ARID1B: variants seen among roughly 807,000 people sequenced by gnomAD.
ARID1B encodes AT-rich interactive domain-containing protein 1B.
A neutral mutation model predicts 212.3 loss-of-function variants in ARID1B; 30 were observed. That is an observed-to-expected ratio of 0.14 (90% confidence interval 0.11 to 0.19). ARID1B has a LOEUF of 0.19. Among genes scored for constraint, ARID1B ranks in the 10% least tolerant of loss-of-function variants. The probability of loss-of-function intolerance (pLI) is 1.00; values close to 1 mark genes in which losing one functional copy is unlikely to be tolerated. For synonymous variants in ARID1B, 1,402 were observed against 1,301.7 expected (o/e 1.08, Z -1.66); for missense variants, 2,891 against 3,204.0 (o/e 0.90, Z 2.36).
At chr6:157,005,594 A>G (rs1012933587) in intron 4 of ARID1B, among the ~76,000 whole-genome samples, 2 of 152,178 alleles carry the variant, frequency 1.3e-5, no homozygotes, top group African/African-American at 4.8e-5. Context: ...GAATTGGTAA[A>G]ACTTCTTTCT....
chr6:157,016,531 C>T (rs866401507), intron 4 of ARID1B, among the ~76,000 whole-genome samples: 2 of 152,180 alleles, frequency 1.3e-5, no homozygotes, highest in South Asian at 2.1e-4. Flanking sequence ...AATATCGATT[C>T]CCAGCTGGGA....
At chr6:157,142,840 T>G (rs1340264132) in intron 7 of ARID1B, among the ~76,000 whole-genome samples, 1 of 152,174 alleles carries the variant, frequency 6.6e-6, no homozygotes. Context: ...CATTTTCTCC[T>G]CCATCATATA....
In ARID1B at chr6:156,778,966, C is replaced by T; in HGVS notation, c.1286C>T (p.Ala429Val). The change falls in exon 1 of 20, where the codon GCG becomes GTG. Residue 429 changes from alanine to valine, a missense_variant. Transcript: ENST00000636930. The stretch of plus-strand genomic sequence containing the variant: ...GCTGTGGCGGCGGCGGCCGCGGCGG[C>T]GGCGGCAGCAGCAGGAGGCGGCGGC... ...AGAVAAAAAA[A>V]AAAAGGGGGG... The T allele has an allele frequency of 3.9e-6, 5 of 1,282,612 alleles. No individual in the cohort carries two copies. The highest frequency in any genetic ancestry group is 3.9e-6 in the Non-Finnish European group (4 of 1,024,982). 79.5% of individuals were successfully genotyped at this position (1,282,612 alleles called of 1,614,324 possible). A position where few individuals can be genotyped will look rare whatever the true frequency, so the allele number is the denominator to read the frequency against.
chr6:157,175,074 AAT>A, intron 11 of ARID1B, 69 bp downstream of exon 11: 2 of 1,199,572 alleles, frequency 1.7e-6, no homozygotes, highest in Non-Finnish European at 2.2e-6. Flanking sequence ...ATAATTAATT[AAT>A]TCTACTTGAA....
chr6:157,192,577 T>A (rs1317229475), intron 15 of ARID1B, among the ~76,000 whole-genome samples: 1 of 152,222 alleles, frequency 6.6e-6, no homozygotes, highest in Non-Finnish European at 1.5e-5. Flanking sequence ...GATCCGGACA[T>A]AACCCCATCT....
intron 4 of ARID1B, among the ~76,000 whole-genome samples, chr6:157,056,852 CTTTT>C (rs140342301): frequency 9.4e-5 from 14 of 149,046 alleles, no homozygotes; most frequent in Admixed American, 2.7e-4. Flanking sequence ...CTTTTTTTAA[CTTTT>C]TTTGTTAAAA....
At chr6:156,856,495 A>G (rs1427589727) in intron 2 of ARID1B, among the ~76,000 whole-genome samples, 2 of 152,188 alleles carry the variant, frequency 1.3e-5, no homozygotes, top group Admixed American at 1.3e-4. Context: ...AACTTCCCCA[A>G]GTATTTCTAG....
chr6:157,186,244 G>A (rs575550162), intron 13 of ARID1B: 4 of 342,318 alleles, frequency 1.2e-5, no homozygotes, highest in African/African-American at 8.6e-5. Context: ...TTAACAGCCA[G>A]CCGTTCCCTT....
intron 4 of ARID1B, among the ~76,000 whole-genome samples, chr6:156,957,445 A>G (rs985934338): frequency 9.2e-5 from 14 of 152,166 alleles, no homozygotes; most frequent in Non-Finnish European, 1.9e-4. Context: ...CCACAGAAGC[A>G]GAGTAGCAGG....
intron 1 of ARID1B, among the ~76,000 whole-genome samples, chr6:156,804,632 T>C (rs975079966): frequency 5.9e-5 from 9 of 151,954 alleles, no homozygotes; most frequent in African/African-American, 1.7e-4. Flanking sequence ...TCAGATTTCG[T>C]GAGAACTAAC....
chr6:157,128,687 T>A (rs1394230833), intron 6 of ARID1B, among the ~76,000 whole-genome samples: 1 of 152,160 alleles, frequency 6.6e-6, no homozygotes, highest in Non-Finnish European at 1.5e-5. Flanking sequence ...ACCTGCCAGA[T>A]GAAATACTTC....
chr6:157,034,694 A>G (rs930719209), intron 4 of ARID1B, among the ~76,000 whole-genome samples: 10 of 152,130 alleles, frequency 6.6e-5, no homozygotes, highest in Non-Finnish European at 8.8e-5. Flanking sequence ...ATGCTCTTAG[A>G]CTCAGCGTGA....
intron 4 of ARID1B, among the ~76,000 whole-genome samples, chr6:157,079,474 A>G (rs1291481172): frequency 6.6e-6 from 1 of 152,230 alleles, no homozygotes; most frequent in Non-Finnish European, 1.5e-5. Context: ...GTGTATTCAT[A>G]TCACGTGACC....
intron 4 of ARID1B, among the ~76,000 whole-genome samples, chr6:156,978,545 G>A (rs1346499546): frequency 6.6e-6 from 1 of 151,690 alleles, no homozygotes; most frequent in East Asian, 1.9e-4. Context: ...TAAACATATG[G>A]AAGTCCCTTT....
chr6:157,024,305 G>A (rs981997394), intron 4 of ARID1B: 1 of 152,218 alleles, frequency 6.6e-6, no homozygotes, highest in Non-Finnish European at 1.5e-5. Flanking sequence ...TTACTGCCAA[G>A]TGACAAGTTT....
chr6:156,812,967 T>TACATAC (rs1781664545), intron 1 of ARID1B, among the ~76,000 whole-genome samples: 1 of 145,858 alleles, frequency 6.9e-6, no homozygotes, highest in Non-Finnish European at 1.5e-5. Flanking sequence ...TGTGTGTGTG[T>TACATAC]GTGTGTGTGT....
chr6:156,796,198 C>T lies in ARID1B; in HGVS notation c.1791+16727C>T, dbSNP rs150173311. 2.0e-5 allele frequency among the ~76,000 whole-genome samples: 3 copies of T among 152,228 alleles called. No individual in the cohort carries two copies. The East Asian group carries it at 5.8e-4, about 29-fold the overall frequency. On this transcript the variant is annotated intron_variant, in intron 1 of 19. Transcript: ENST00000636930. ...TGTTTCCTATTTCATAATATTTCAT[C>T]TTGCTTTATTGTTTATGGTAATGTA...
At chr6:157,124,486 G>A (rs1788000775) in intron 6 of ARID1B, among the ~76,000 whole-genome samples, 1 of 152,234 alleles carries the variant, frequency 6.6e-6, no homozygotes, top group Non-Finnish European at 1.5e-5. Flanking sequence ...ATGGAAGATA[G>A]CACTAACAGA....
chr6:157,001,067 A>G (rs913436142), intron 4 of ARID1B, among the ~76,000 whole-genome samples: 8 of 152,192 alleles, frequency 5.3e-5, no homozygotes, highest in African/African-American at 1.7e-4. Context: ...GGCATCTTAA[A>G]TGCTCTAGAA....
Sources: allele counts gnomAD v4.1 joint callset (sites outside exome capture counted in the v4.1 genomes callset), GRCh38; gene constraint gnomAD v4.1.1; transcripts MANE v1.5; gene names NCBI Gene and HGNC (gene_info 2026-07-23, HGNC 2026-07-21).